REG4: variants seen among roughly 807,000 people sequenced by gnomAD.
The protein encoded by REG4 is regenerating family member 4.
Under a neutral mutation model 22.3 loss-of-function variants are expected in REG4, and 16 were observed. That is an observed-to-expected ratio of 0.72 (90% CI 0.49 to 1.09). The LOEUF (loss-of-function observed/expected upper bound fraction) is 1.09. REG4 is among the 50% of genes least tolerant of loss of function. The probability of loss-of-function intolerance (pLI) is 0.00; values close to 1 mark genes in which losing one functional copy is unlikely to be tolerated. For synonymous variants in REG4, 71 were observed against 69.2 expected (o/e 1.03, Z -0.13); for missense variants, 214 against 193.9 (o/e 1.10, Z -0.61).
At chr1:119,805,904 C>T (rs587636085) in intron 2 of REG4, among the ~76,000 whole-genome samples, 21 of 152,162 alleles carry the variant, frequency 1.4e-4, no homozygotes, top group African/African-American at 5.1e-4. Context: ...CATTTTAGCT[C>T]CTAGATATGC....
rs146203088 is a variant in REG4 at position 119,797,125 on chromosome 1, G to T, written c.409+1372C>A. On this transcript the variant is annotated intron_variant, in intron 5 of 5. Transcript: ENST00000256585. The stretch of plus-strand genomic sequence containing the variant: ...AACTACAATGTCCACCTTTTGCTTG[G>T]TTAACTCTGGTTATAAGGTTTCTCA... 5.3e-5 allele frequency among the ~76,000 whole-genome samples: 8 copies of T among 152,298 alleles called. No individual in the cohort carries two copies. In the East Asian group the frequency reaches 1.4e-3, roughly 26 times the overall value.
chr1:119,810,557 G>A (rs907681223), intron 1 of REG4, among the ~76,000 whole-genome samples: 1 of 152,072 alleles, frequency 6.6e-6, no homozygotes, highest in Non-Finnish European at 1.5e-5. Flanking sequence ...AAATCATTGC[G>A]TGAACCTTGC....
At chr1:119,809,489 A>G (rs764026913) in intron 1 of REG4, among the ~76,000 whole-genome samples, 1 of 152,232 alleles carries the variant, frequency 6.6e-6, no homozygotes, top group Non-Finnish European at 1.5e-5. Context: ...GCAAAACTAG[A>G]AAATAAGAAG....
At chr1:119,797,671 G>GTACAGCTGAAGTTTT (rs1276721628) in intron 5 of REG4, among the ~76,000 whole-genome samples, 40 of 152,292 alleles carry the variant, frequency 2.6e-4, no homozygotes, top group Non-Finnish European at 4.1e-4. Flanking sequence ...CTGTGATCTT[G>GTACAGCTGAAGTTTT]TACAGCTGAA....
In REG4 at chr1:119,796,641, C is replaced by A. The variant is rs141544147; in HGVS notation, c.409+1856G>T. ...GAGGGGGATGGGCTTTTAAATTCTACCTTCCACCAGTTTCTCTCAAATCCT... is the reference window on the plus strand; with the variant it reads ...GAGGGGGATGGGCTTTTAAATTCTAACTTCCACCAGTTTCTCTCAAATCCT... On this transcript the variant is annotated intron_variant, in intron 5 of 5. Coordinates refer to ENST00000256585, the MANE Select transcript of REG4 (RefSeq NM_032044.4). Among the ~76,000 whole-genome samples, 224 of 152,298 alleles carry A rather than the reference C, an allele frequency of 1.5e-3. 1 individual carries two copies. The highest frequency in any genetic ancestry group is 5.0e-3 in the African/African-American group (206 of 41,552).
intron 5 of REG4, among the ~76,000 whole-genome samples, chr1:119,798,055 A>G (rs1366675377): frequency 6.6e-6 from 1 of 152,206 alleles, no homozygotes; most frequent in East Asian, 1.9e-4. Flanking sequence ...ACAGAAGGGA[A>G]GAACTCAGGC....
intron 4 of REG4, among the ~76,000 whole-genome samples, chr1:119,799,301 T>A (rs7525506): frequency 0.028 from 4,291 of 151,354 alleles, 222 homozygotes; most frequent in African/African-American, 0.1. Flanking sequence ...AAGGATAACA[T>A]AAAAAAAATT....
rs1161330645 is a variant in REG4 at position 119,808,557 on chromosome 1, G to C, written c.67+146C>G. The C allele has an allele frequency of 2.0e-5, 12 of 610,692 alleles. No individual in the cohort carries two copies. The African/African-American group carries it at 2.1e-4, about 10-fold the overall frequency. 37.8% of individuals were successfully genotyped at this position (610,692 alleles called of 1,614,324 possible). A position where few individuals can be genotyped will look rare whatever the true frequency, so the allele number is the denominator to read the frequency against. The stretch of plus-strand genomic sequence containing the variant: ...GATTCTAGAGCCCTTGAATTTTTTA[G>C]TACCTATCTTTGTTTTTCATCTCCA... On this transcript the variant is annotated intron_variant, in intron 2 of 5. Transcript: ENST00000256585.
At chr1:119,802,416 T>C in intron 3 of REG4, 1 of 991,690 alleles carries the variant, frequency 1.0e-6, no homozygotes, top group Non-Finnish European at 1.2e-6. Flanking sequence ...TCTAGTTTTA[T>C]ACAGGGATTG....
At chr1:119,803,465 TG>T (rs1654187644) in intron 2 of REG4, among the ~76,000 whole-genome samples, 1 of 152,192 alleles carries the variant, frequency 6.6e-6, no homozygotes, top group South Asian at 2.1e-4. Flanking sequence ...GGAAGTCAGG[TG>T]ATCAATGGAG....
intron 3 of REG4, 83 bp downstream of exon 3, chr1:119,802,985 G>A: frequency 6.3e-7 from 1 of 1,593,668 alleles, no homozygotes; most frequent in Non-Finnish European, 8.6e-7. Flanking sequence ...AAGGACACTT[G>A]ATCCTGAATC....
chr1:119,802,820 G>T, intron 3 of REG4: 1 of 1,521,018 alleles, frequency 6.6e-7, no homozygotes, highest in Non-Finnish European at 8.8e-7. Context: ...GAGGGTAGGG[G>T]CTCTTTCCTA....
chr1:119,805,954 A>G (rs1204727751), intron 2 of REG4, among the ~76,000 whole-genome samples: 2 of 151,964 alleles, frequency 1.3e-5, no homozygotes, highest in African/African-American at 4.8e-5. Flanking sequence ...TCTGCCTTGC[A>G]CTACCCCACT....
intron 1 of REG4, among the ~76,000 whole-genome samples, chr1:119,809,908 A>G (rs1448517118): frequency 6.6e-6 from 1 of 152,176 alleles, no homozygotes; most frequent in Non-Finnish European, 1.5e-5. Context: ...ATATTTTATA[A>G]TTACTAATGA....
chr1:119,794,627 G>C lies in REG4; in HGVS notation c.468C>G (p.Tyr156Ter), dbSNP rs199858135. 6.8e-6 allele frequency: 11 copies of C among 1,613,866 alleles called. No individual in the cohort carries two copies. The highest frequency in any genetic ancestry group is 9.3e-6 in the Non-Finnish European group (11 of 1,179,846). ...AATCTTGATTCTTGCTCTATGGTCG[G>C]TACTTGCACAGGAAGTGTTGGCGCT... is the stretch of plus-strand genomic sequence containing the variant. ...CNKRQHFLCK[Y>*]RP Residue 156 changes from tyrosine (Y) to a stop codon, truncating the protein, a stop_gained, in exon 6 of 6, where the codon TAC (tyrosine) becomes TAG (stop). Transcript: ENST00000256585. LOFTEE classifies it high-confidence loss of function.
In REG4 at chr1:119,803,183, G is replaced by A; in HGVS notation, c.68-18C>T. The stretch of plus-strand genomic sequence containing the variant: ...GATGATATCTGCACATAAACAAAAG[G>A]CAATTGCACATTATGATAGCAAAAA... On this transcript the variant is annotated intron_variant, in intron 2 of 5. Transcript: ENST00000256585. 3 of 1,502,276 alleles carry A rather than the reference G, an allele frequency of 2.0e-6. No individual in the cohort carries two copies. Among genetic ancestry groups the A allele is most frequent in the Non-Finnish European group, 1.8e-6 (2 of 1,126,194 alleles). 93.1% of individuals were successfully genotyped at this position (1,502,276 alleles called of 1,614,324 possible).
At chr1:119,800,284 G>T (rs1428852193) in intron 3 of REG4, among the ~76,000 whole-genome samples, 1 of 152,150 alleles carries the variant, frequency 6.6e-6, no homozygotes, top group Non-Finnish European at 1.5e-5. Context: ...TGTAAAATGT[G>T]CCATTATTTT....
chr1:119,797,085 G>A (rs781155844), intron 5 of REG4, among the ~76,000 whole-genome samples: 6 of 152,142 alleles, frequency 3.9e-5, no homozygotes, highest in Non-Finnish European at 8.8e-5. Context: ...CACTTAATGC[G>A]TCAACTGCAA....
In REG4 at chr1:119,794,701, C is replaced by T. The variant is rs370473871; in HGVS notation, c.410-16G>A. 1 of 1,612,102 alleles carries T rather than the reference C, an allele frequency of 6.2e-7. No individual in the cohort carries two copies. The highest frequency in any genetic ancestry group is 1.3e-5 in the African/African-American group (1 of 74,998). On this transcript the variant is annotated splice_polypyrimidine_tract_variant and intron_variant, in intron 5 of 5. Transcript: ENST00000256585. ...GTTAAAAAGTCTGTAAGAAAATAAA[C>T]AGATATTTAAATCCATTCAGTACTA...
Sources: allele counts gnomAD v4.1 joint callset (sites outside exome capture counted in the v4.1 genomes callset), GRCh38; gene constraint gnomAD v4.1.1; transcripts MANE v1.5; gene names NCBI Gene and HGNC (gene_info 2026-07-23, HGNC 2026-07-21).